Variants in NDUFAF6 observed in about 807,000 individuals in gnomAD.
The protein encoded by NDUFAF6 is NADH dehydrogenase (ubiquinone) complex I, assembly factor 6.
A neutral mutation model predicts 40.8 loss-of-function variants in NDUFAF6; 45 were observed. That is an observed-to-expected ratio of 1.10 (90% CI 0.87 to 1.42). The LOEUF (loss-of-function observed/expected upper bound fraction) is 1.42. Ranked by LOEUF, NDUFAF6 falls within the 40% of genes most tolerant of loss-of-function variation. The pLI is 0.00. For missense variants in NDUFAF6, 435 were observed against 418.5 expected, an observed-to-expected ratio of 1.04 and a Z score of -0.34; for synonymous variants, 185 against 155.9, an observed-to-expected ratio of 1.19 and a Z score of -1.39.
At chr8:94,968,428 T>C (rs1016571573) in intron 1 of NDUFAF6, among the ~76,000 whole-genome samples, 8 of 152,134 alleles carry the variant, frequency 5.3e-5, no homozygotes, top group African/African-American at 1.9e-4. Context: ...TATTATGAAA[T>C]GTCATTTAGG....
At chr8:94,953,669 A>C (rs1822825346), upstream of NDUFAF6, among the ~76,000 whole-genome samples, 1 of 152,238 alleles carries the variant, frequency 6.6e-6, no homozygotes, top group African/African-American at 2.4e-5. Flanking sequence ...GTAATCATGA[A>C]TTGCTTTGTT....
At chr8:94,903,707 A>G (rs1818181358) in intron 1 of NDUFAF6, among the ~76,000 whole-genome samples, 1 of 152,202 alleles carries the variant, frequency 6.6e-6, no homozygotes, top group Non-Finnish European at 1.5e-5. Flanking sequence ...GTAGGGTAAA[A>G]TGTTAATAGT....
chr8:95,004,089 C>T (rs929934748), intron 2 of NDUFAF6, among the ~76,000 whole-genome samples: 3 of 152,150 alleles, frequency 2.0e-5, no homozygotes, highest in Admixed American at 6.6e-5. Context: ...CCTGACTTCT[C>T]CACCTGGGGA....
At chr8:94,936,730 A>G (rs2131346724) in intron 1 of NDUFAF6, among the ~76,000 whole-genome samples, 2 of 152,244 alleles carry the variant, frequency 1.3e-5, no homozygotes, top group South Asian at 4.1e-4. Flanking sequence ...TGGCCATCAG[A>G]AGAACTCCCT....
In NDUFAF6 at chr8:95,005,657, G is replaced by A. The variant is rs539882821; in HGVS notation, c.-84+24684G>A. Among the ~76,000 whole-genome samples the A allele has an allele frequency of 2.7e-5, 4 of 150,500 alleles. No individual in the cohort carries two copies. In the South Asian group the frequency reaches 8.4e-4, roughly 32 times the overall value. Reference sequence around the variant, plus strand: ...TTGTTTTAAGCACTTGAATAAGACTGTTAGGAATACATTAACCCTGTAGCA... The same window carrying A: ...TTGTTTTAAGCACTTGAATAAGACTATTAGGAATACATTAACCCTGTAGCA... On this transcript the variant is annotated intron_variant, in intron 2 of 9. Transcript: ENST00000396111.
chr8:95,083,771 T>C (rs1049706379), intron 2 of NDUFAF6, among the ~76,000 whole-genome samples: 3 of 152,218 alleles, frequency 2.0e-5, no homozygotes, highest in Non-Finnish European at 2.9e-5. Context: ...TAAATAACTG[T>C]AACAACCATA....
downstream of NDUFAF6, among the ~76,000 whole-genome samples, chr8:95,105,282 C>G (rs975161917): frequency 6.6e-6 from 1 of 152,136 alleles, no homozygotes; most frequent in Non-Finnish European, 1.5e-5. Context: ...TGCCTGTAAG[C>G]AGATGTCTAG....
At chr8:94,952,353 A>G (rs933443229) in intron 2 of NDUFAF6, among the ~76,000 whole-genome samples, 6 of 152,210 alleles carry the variant, frequency 3.9e-5, no homozygotes, top group Admixed American at 1.3e-4. Context: ...CTCAGAACAC[A>G]AAGCAACAAG....
intron 2 of NDUFAF6, among the ~76,000 whole-genome samples, chr8:95,035,064 A>G (rs1829331960): frequency 6.6e-6 from 1 of 151,982 alleles, no homozygotes. Flanking sequence ...TATTTTTAGT[A>G]GAGACGGGGT....
In NDUFAF6 at chr8:94,972,697, C is replaced by T. The variant is rs1215304788; in HGVS notation, c.-198-8162C>T. Among the ~76,000 whole-genome samples the T allele has an allele frequency of 1.7e-4, 24 of 143,054 alleles. No individual in the cohort carries two copies. In the Admixed American group the frequency reaches 1.7e-3, roughly 10 times the overall value. 93.8% of individuals were successfully genotyped at this position (143,054 alleles called of 152,430 possible). A position where few individuals can be genotyped will look rare whatever the true frequency, so the allele number is the denominator to read the frequency against. On this transcript the variant is annotated intron_variant, in intron 1 of 9. Coordinates refer to the NDUFAF6 transcript ENST00000396111. ...TGTGAGCTCAGGAGTTTAGGACCAG[C>T]CTGGGCAACGTAGCAAGACCCTGTC...
At chr8:95,106,050 C>T (rs1364433264), downstream of NDUFAF6, among the ~76,000 whole-genome samples, 2 of 151,908 alleles carry the variant, frequency 1.3e-5, no homozygotes, top group East Asian at 3.9e-4. Flanking sequence ...CCGAGGTGGG[C>T]GGATCATGAG....
chr8:94,896,698 T>C (rs1285716194), intron 1 of NDUFAF6: 2 of 152,012 alleles, frequency 1.3e-5, no homozygotes, highest in Non-Finnish European at 2.9e-5. Flanking sequence ...CTTCCCGAGA[T>C]GCACCGGGAG....
downstream of NDUFAF6, among the ~76,000 whole-genome samples, chr8:95,105,011 G>A (rs1809777644): frequency 6.7e-6 from 1 of 149,228 alleles, no homozygotes; most frequent in Non-Finnish European, 1.5e-5. Context: ...TGTAACAGAA[G>A]TGCACAGAGA....
chr8:94,934,975 T>G (rs943884254), intron 1 of NDUFAF6, among the ~76,000 whole-genome samples: 5 of 152,148 alleles, frequency 3.3e-5, no homozygotes, highest in African/African-American at 7.2e-5. Context: ...TGAAATATGT[T>G]TAGCCTCATA....
At position 94,909,797 on chromosome 8, in the gene NDUFAF6, TACACATATATATATATAC is replaced by T. The variant is rs1458321848; in HGVS notation, c.-936+13876_-936+13893del. On this transcript the variant is annotated intron_variant, in intron 1 of 14. Transcript: ENST00000396113. ...TAAAAATTATATATGTGTATATATA[TACACATATATATATATAC>T]ACACACACACACACATATATATATA... is the stretch of plus-strand genomic sequence containing the variant. 5.8e-3 allele frequency among the ~76,000 whole-genome samples: 846 copies of T among 145,614 alleles called. 13 individuals carry two copies. The highest frequency in any genetic ancestry group is 0.021 in the African/African-American group (790 of 38,328).
chr8:95,086,994 A>T (rs1255628844), intron 2 of NDUFAF6, among the ~76,000 whole-genome samples: 1 of 151,720 alleles, frequency 6.6e-6, no homozygotes, highest in African/African-American at 2.4e-5. Context: ...CATCTGAGGG[A>T]GGGGCAAGCT....
At chr8:95,096,565 G>A (rs1049677268), upstream of NDUFAF6, among the ~76,000 whole-genome samples, 6 of 152,194 alleles carry the variant, frequency 3.9e-5, no homozygotes, top group Non-Finnish European at 2.9e-5. Context: ...GATGAGGTTA[G>A]TATCATTCTT....
chr8:94,903,551 A>G (rs1309907163), intron 1 of NDUFAF6, among the ~76,000 whole-genome samples: 1 of 152,248 alleles, frequency 6.6e-6, no homozygotes, highest in East Asian at 1.9e-4. Context: ...TTGTAGATAC[A>G]TACTTACGCA....
rs992758608 is a variant in NDUFAF6 at position 95,074,343 on chromosome 8, TGACTTGTGC to T, written c.*512-1281_*512-1273del. ...ATCACCTGGGAGTCCTTTTCGTTAC[TGACTTGTGC>T]GACTTGTGTGGCTCGTGTGCTCTCA... On this transcript the variant is annotated intron_variant and NMD_transcript_variant, in intron 9 of 9. Coordinates refer to the NDUFAF6 transcript ENST00000520757. Among the ~76,000 whole-genome samples, 18 of 152,290 alleles carry T rather than the reference TGACTTGTGC, an allele frequency of 1.2e-4. No individual in the cohort carries two copies. In the East Asian group the frequency reaches 2.5e-3, roughly 21 times the overall value.
Sources: gnomAD v4.1 joint callset for allele counts (sites outside exome capture counted in the v4.1 genomes callset) on GRCh38, gnomAD v4.1.1 for gene constraint, MANE v1.5 for transcripts, NCBI Gene and HGNC (gene_info 2026-07-23, HGNC 2026-07-21) for gene names.